Variants in NEDD9 observed in about 807,000 individuals in gnomAD.
NEDD9 encodes neural precursor cell expressed, developmentally down-regulated 9.
Under a neutral mutation model 76.6 loss-of-function variants are expected in NEDD9, and 26 were observed. That is an observed-to-expected ratio of 0.34 (90% CI 0.25 to 0.47). NEDD9 has a LOEUF of 0.47. Ranked by LOEUF, NEDD9 falls within the 20% of genes least tolerant of loss-of-function variation. The pLI is 1.00. For missense variants in NEDD9, 937 were observed against 1,058.5 expected (o/e 0.89, Z 1.59); for synonymous variants, 392 against 414.2 (o/e 0.95, Z 0.65).
chr6:11,292,484 A>G (rs1453228602), intron 3 of NEDD9, among the ~76,000 whole-genome samples: 2 of 152,202 alleles, frequency 1.3e-5, no homozygotes, highest in Non-Finnish European at 2.9e-5. Flanking sequence ...ACCTCCATCC[A>G]GACATGCCTC....
intron 1 of NEDD9, among the ~76,000 whole-genome samples, chr6:11,360,287 A>G (rs745735895): frequency 1.2e-4 from 18 of 152,256 alleles, no homozygotes; most frequent in Non-Finnish European, 1.8e-4. Flanking sequence ...GTAGAGCAGA[A>G]GAAGAACTCC....
At chr6:11,204,733 AAAAAG>A (rs1340296546) in intron 2 of NEDD9, among the ~76,000 whole-genome samples, 6 of 149,892 alleles carry the variant, frequency 4.0e-5, no homozygotes, top group East Asian at 1.9e-4. Context: ...AAAAAAAAAA[AAAAAG>A]AAAGAAAGAA....
chr6:11,374,790 T>A (rs1201014804), intron 1 of NEDD9, among the ~76,000 whole-genome samples: 1 of 152,236 alleles, frequency 6.6e-6, no homozygotes, highest in Non-Finnish European at 1.5e-5. Context: ...ATATAGAACT[T>A]TTCCCCAAGG....
intron 1 of NEDD9, among the ~76,000 whole-genome samples, chr6:11,219,117 C>A (rs1264923416): frequency 6.6e-6 from 1 of 152,156 alleles, no homozygotes; most frequent in Non-Finnish European, 1.5e-5. Context: ...AAATACTGTA[C>A]AGTTGACCAG....
chr6:11,319,360 T>C (rs1399566116), intron 2 of NEDD9, among the ~76,000 whole-genome samples: 3 of 148,866 alleles, frequency 2.0e-5, no homozygotes, highest in Non-Finnish European at 4.5e-5. Context: ...CACACTCACA[T>C]GCACACTAAC....
upstream of NEDD9, among the ~76,000 whole-genome samples, chr6:11,234,050 C>T (rs768954984): frequency 7.2e-5 from 11 of 152,284 alleles, no homozygotes; most frequent in Middle Eastern, 3.4e-3. Flanking sequence ...GGTTAGTTTG[C>T]AGTTCAGTGT....
chr6:11,329,730 T>A (rs1761994307), intron 2 of NEDD9, among the ~76,000 whole-genome samples: 1 of 152,008 alleles, frequency 6.6e-6, no homozygotes, highest in Non-Finnish European at 1.5e-5. Flanking sequence ...TAGCAATGTC[T>A]CGAGATGTTT....
In NEDD9 at chr6:11,213,633, T is replaced by C; in HGVS notation, c.107A>G (p.Asn36Ser). ...KGDILTVIEQNTGGLEGWWLC... is the reference protein window; with the variant it reads ...KGDILTVIEQSTGGLEGWWLC... ...CCACCATCCTTCCAGTCCCCCTGTG[T>C]TCTGCTCTATGACGGTCAGGATGTC... The change falls in exon 2 of 7, where the codon AAC becomes AGC. Residue 36 changes from asparagine (N) to serine (S), a missense_variant. Asn to Ser is a conservative substitution (Grantham distance 46, BLOSUM62 1). Coordinates refer to ENST00000379446, the MANE Select transcript of NEDD9 (RefSeq NM_006403.4). This position sits in a 1 kb window ranked among gnomAD's most constrained non-coding sequence, Gnocchi z 5.4. 6.2e-7 allele frequency: 1 copy of C among 1,614,204 alleles called. No individual in the cohort carries two copies. Among genetic ancestry groups the C allele is most frequent in the Non-Finnish European group, 8.5e-7 (1 of 1,180,032 alleles).
chr6:11,337,209 T>C (rs1036321538), intron 1 of NEDD9, among the ~76,000 whole-genome samples: 1 of 151,966 alleles, frequency 6.6e-6, no homozygotes, highest in African/African-American at 2.4e-5. Context: ...CAGAGTGAGA[T>C]TCTGTCTCAA....
chr6:11,378,319 G>T (rs1410215810), intron 1 of NEDD9, among the ~76,000 whole-genome samples: 1 of 152,158 alleles, frequency 6.6e-6, no homozygotes, highest in Non-Finnish European at 1.5e-5. Context: ...TGTGATGCTG[G>T]CTCCCCCTTC....
chr6:11,185,004 C>T lies in NEDD9; in HGVS notation c.*158G>A. The T allele has an allele frequency of 2.2e-6, 2 of 916,030 alleles. No homozygotes were observed. Among genetic ancestry groups the T allele is most frequent in the Non-Finnish European group, 3.1e-6 (2 of 638,136 alleles). The allele number at this position is 916,030 out of a possible 1,614,324, so 56.7% of individuals were successfully genotyped here. On this transcript the variant is annotated 3_prime_UTR_variant, in exon 7 of 7. Transcript: ENST00000379446. ...AAAAAAAAGATTTCCCTCTCCAGCT[C>T]CCTGAATTTCTGAAAGTTGACTGAC...
chr6:11,333,919 C>G (rs1561838685), intron 2 of NEDD9, among the ~76,000 whole-genome samples: 1 of 152,178 alleles, frequency 6.6e-6, no homozygotes, highest in East Asian at 1.9e-4. Flanking sequence ...ACAAGATGGA[C>G]CCTCCAGTTC....
At chr6:11,221,812 C>G (rs1387717932) in intron 1 of NEDD9, among the ~76,000 whole-genome samples, 4 of 152,170 alleles carry the variant, frequency 2.6e-5, no homozygotes, top group Non-Finnish European at 5.9e-5. Context: ...GTAGATAAAT[C>G]TGACAGGCAC....
rs142392451 is a variant in NEDD9 at position 11,185,553 on chromosome 6, C to A, written c.2114G>T (p.Arg705Leu). ...GTCATAGTAGAAGCACAGCAACTGC[C>A]GATCCTGAGCACTCACGCCACTGTT... ...TTNSGVSAQD[R>L]QLLCFYYDQC... is the part of the protein sequence containing the mutation. The change falls in exon 7 of 7, where the codon CGG becomes CTG. Residue 705 changes from arginine to leucine, a missense_variant. Arg to Leu is a moderately radical substitution (Grantham distance 102). Transcript: ENST00000379446. 3.7e-6 allele frequency: 6 copies of A among 1,614,170 alleles called. No individual in the cohort carries two copies. Among genetic ancestry groups the A allele is most frequent in the Non-Finnish European group, 5.1e-6 (6 of 1,180,030 alleles).
At chr6:11,358,722 T>C (rs114312074) in intron 1 of NEDD9, among the ~76,000 whole-genome samples, 1,658 of 152,210 alleles carry the variant, frequency 0.011, 24 homozygotes, top group African/African-American at 0.037. Flanking sequence ...TCAGGACTTT[T>C]CCCCCTGGTT....
At chr6:11,347,183 G>A (rs759264956) in intron 1 of NEDD9, among the ~76,000 whole-genome samples, 140 of 152,130 alleles carry the variant, frequency 9.2e-4, no homozygotes, top group Non-Finnish European at 1.6e-3. Context: ...TACAAAGATC[G>A]GATGTCTGGC....
In NEDD9 at chr6:11,185,620, C is replaced by T. The variant is rs1026685478; in HGVS notation, c.2047G>A (p.Asp683Asn). 5 of 1,614,088 alleles carry T rather than the reference C, an allele frequency of 3.1e-6. No homozygotes were observed. Among genetic ancestry groups the T allele is most frequent in the African/African-American group, 1.3e-5 (1 of 74,922 alleles). The stretch of plus-strand genomic sequence containing the variant: ...TGAGAGGGCTTCCACTTCGAGATGT[C>T]ATTCTCCACGGGCTTTGTAATCTCT... ...EQEITKPVEN[D>N]ISKWKPSQSL... The change falls in exon 7 of 7, where the codon GAC becomes AAC. Residue 683 changes from aspartate to asparagine, a missense_variant. Asp to Asn is a conservative substitution (Grantham distance 23, BLOSUM62 1). Coordinates refer to ENST00000379446, the MANE Select transcript of NEDD9 (RefSeq NM_006403.4).
chr6:11,330,214 C>T (rs1762007448), intron 2 of NEDD9, among the ~76,000 whole-genome samples: 2 of 152,242 alleles, frequency 1.3e-5, no homozygotes, highest in Admixed American at 1.3e-4. Context: ...GCCCCCTAGT[C>T]AGATGTCCTT....
At chr6:11,282,827 T>C (rs1050175278) in intron 3 of NEDD9, among the ~76,000 whole-genome samples, 2 of 152,232 alleles carry the variant, frequency 1.3e-5, no homozygotes, top group Admixed American at 6.5e-5. Context: ...TGATCTGTTC[T>C]AGGTATATCG....
Sources: allele counts gnomAD v4.1 joint callset (sites outside exome capture counted in the v4.1 genomes callset), GRCh38; gene constraint gnomAD v4.1.1; non-coding constraint Gnocchi (gnomAD v3.1); transcripts MANE v1.5; gene names NCBI Gene and HGNC (gene_info 2026-07-23, HGNC 2026-07-21).